SHROOM2: variants seen among roughly 807,000 people sequenced by gnomAD.
The protein encoded by SHROOM2 is shroom family member 2.
SHROOM2 carries 33 observed loss-of-function variants against 75.9 expected under a neutral mutation model. The observed-to-expected ratio is 0.43, with a 90% CI of 0.33 to 0.58. SHROOM2 has a LOEUF of 0.58. Among genes scored for constraint, SHROOM2 ranks in the 20% least tolerant of loss-of-function variants. The probability of loss-of-function intolerance (pLI) is 0.04; values close to 1 mark genes in which losing one functional copy is unlikely to be tolerated. For missense variants in SHROOM2, 1,434 were observed against 1,461.2 expected (o/e 0.98, Z 0.30); for synonymous variants, 655 against 663.6 (o/e 0.99, Z 0.20).
chrX:9,855,295 TAAAAAA>T (rs57235424), intron 1 of SHROOM2, among the ~76,000 whole-genome samples: 2 of 39,299 alleles, frequency 5.1e-5, no homozygotes, highest in Admixed American at 4.2e-4. Context: ...TAAAGTATAG[TAAAAAA>T]AAAAAAAAAA....
At position 9,894,824 on chromosome X, in the gene SHROOM2, G is replaced by A. The variant is rs2084315414; in HGVS notation, c.916G>A (p.Asp306Asn). ...TTTTGGGCCAGTCTGGTATGTTCCC[G>A]ATAAGAAGAAAGCACCATCATCCCC... The part of the protein sequence containing the change: ...SNFGPVWYVP[D>N]KKKAPSSPPP... Residue 306 changes from aspartate to asparagine, a missense_variant, in exon 4 of 10, where the codon GAT becomes AAT. Transcript: ENST00000380913. 2 of 1,210,457 alleles carry A rather than the reference G, an allele frequency of 1.7e-6. No individual in the cohort carries two copies. Among genetic ancestry groups the A allele is most frequent in the African/African-American group, 1.7e-5 (1 of 57,402 alleles).
chrX:9,848,655 G>A (rs1164996643), intron 1 of SHROOM2, among the ~76,000 whole-genome samples: 1 of 110,713 alleles, frequency 9.0e-6, no homozygotes, highest in East Asian at 2.8e-4. Context: ...TTTATGCTCT[G>A]CCGGTAATGA....
At chrX:9,815,592 A>ATATCTG in intron 1 of SHROOM2, among the ~76,000 whole-genome samples, 1 of 107,323 alleles carries the variant, frequency 9.3e-6, no homozygotes, top group East Asian at 2.9e-4. Flanking sequence ...ATCTATATCT[A>ATATCTG]TATCTATATC....
At chrX:9,939,880 G>A (rs982354347) in intron 8 of SHROOM2, among the ~76,000 whole-genome samples, 2 of 111,456 alleles carry the variant, frequency 1.8e-5, no homozygotes, top group African/African-American at 6.5e-5. Flanking sequence ...TCTGCCTCCC[G>A]GGTTCAAGCA....
chrX:9,941,022 T>C (rs953996923), intron 8 of SHROOM2, among the ~76,000 whole-genome samples: 3 of 111,962 alleles, frequency 2.7e-5, no homozygotes, highest in Admixed American at 1.9e-4. Flanking sequence ...TGACAAGATA[T>C]GGTTTTATAC....
At chrX:9,897,621 T>C (rs2084340435) in intron 4 of SHROOM2, among the ~76,000 whole-genome samples, 1 of 93,446 alleles carries the variant, frequency 1.1e-5, no homozygotes, top group South Asian at 5.5e-4. Flanking sequence ...GTTCAGGTTG[T>C]GGCGAACTGT....
rs185365796 is a variant in SHROOM2 at position 9,928,481 on chromosome X, C to T, written c.2892-3694C>T. Among the ~76,000 whole-genome samples, 8 of 112,539 alleles carry T rather than the reference C, an allele frequency of 7.1e-5. No individual in the cohort carries two copies. The East Asian group carries it at 1.9e-3, about 27-fold the overall frequency. On this transcript the variant is annotated intron_variant, in intron 5 of 9. Transcript: ENST00000380913. ...TTACTCTATCTCTGGATCTTGCTGT[C>T]ACCATTTATTTTATCCTTAGAAGTA...
Position 9,792,141 on chromosome X carries a change from G to GAATAGAATAGAATAGAAT in SHROOM2, c.165+5435_165+5452dup, listed in dbSNP as rs2083665897. ...GAATAGAATAGAATAGAATAGAATA[G>GAATAGAATAGAATAGAAT]AATAGAATAGAATAGAATAATCACC... is the stretch of plus-strand genomic sequence containing the variant. On this transcript the variant is annotated intron_variant, in intron 1 of 9. Transcript: ENST00000380913. 1.1e-4 allele frequency among the ~76,000 whole-genome samples: 3 copies of GAATAGAATAGAATAGAAT among 26,170 alleles called. 1 individual carries two copies. Among genetic ancestry groups the GAATAGAATAGAATAGAAT allele is most frequent in the Non-Finnish European group, 2.9e-4 (3 of 10,387 alleles). The allele number at this position is 26,170 out of a possible 115,157, so 22.7% of individuals were successfully genotyped here.
intron 5 of SHROOM2, among the ~76,000 whole-genome samples, chrX:9,928,706 C>T (rs1432950188): frequency 1.8e-5 from 2 of 110,795 alleles, no homozygotes; most frequent in African/African-American, 6.6e-5. Context: ...ATACAACACA[C>T]ATGGACACAG....
Position 9,932,567 on chromosome X carries a change from C to T in SHROOM2, c.3284C>T (p.Pro1095Leu). Residue 1095 changes from proline (P) to leucine (L), a missense_variant, in exon 6 of 10, where the codon CCA becomes CTA. This residue lies in a region of SHROOM2 where 1,340 missense variants were observed against 1,338.3 expected (regional missense o/e 1.00). Coordinates refer to ENST00000380913, the MANE Select transcript of SHROOM2 (RefSeq NM_001649.4). ...GTGGGCGTCCTCGGCAGGCCCTTCC[C>T]AACGCCATCCCCTGCGTCCCTGGAT... ...APVGVLGRPF[P>L]TPSPASLDVY... The T allele has an allele frequency of 8.3e-7, 1 of 1,211,860 alleles. No individual in the cohort carries two copies. Among genetic ancestry groups the T allele is most frequent in the Non-Finnish European group, 1.1e-6 (1 of 895,488 alleles).
chrX:9,882,019 G>A (rs1264709123), intron 2 of SHROOM2, among the ~76,000 whole-genome samples: 1 of 111,653 alleles, frequency 9.0e-6, no homozygotes, highest in Non-Finnish European at 1.9e-5. Flanking sequence ...GCTAGGTGGG[G>A]ATATTGTTTG....
At chrX:9,904,186 G>T (rs1367012604) in intron 5 of SHROOM2, among the ~76,000 whole-genome samples, 1 of 111,101 alleles carries the variant, frequency 9.0e-6, no homozygotes, top group Non-Finnish European at 1.9e-5. Flanking sequence ...AGGCATCTCA[G>T]TTCTAGATGG....
chrX:9,812,060 A>G (rs758981533), intron 1 of SHROOM2, among the ~76,000 whole-genome samples: 1 of 111,920 alleles, frequency 8.9e-6, no homozygotes, highest in South Asian at 3.7e-4. Flanking sequence ...TCGCATGGTG[A>G]CTTGATGACC....
intron 5 of SHROOM2, among the ~76,000 whole-genome samples, chrX:9,902,325 G>C (rs1205468637): frequency 9.1e-6 from 1 of 110,279 alleles, no homozygotes; most frequent in Non-Finnish European, 1.9e-5. Flanking sequence ...GTGGATGGAT[G>C]GATACATGGG....
At chrX:9,923,266 C>G (rs11095521) in intron 5 of SHROOM2, among the ~76,000 whole-genome samples, 2 of 110,514 alleles carry the variant, frequency 1.8e-5, no homozygotes, top group Non-Finnish European at 3.8e-5. Context: ...GTTCAAGAAG[C>G]CTTTCTGGCT....
intron 5 of SHROOM2, among the ~76,000 whole-genome samples, chrX:9,928,672 A>G (rs1308918128): frequency 9.0e-6 from 1 of 111,325 alleles, no homozygotes; most frequent in Non-Finnish European, 1.9e-5. Flanking sequence ...ACACACGCAT[A>G]CAACGCACAA....
chrX:9,937,372 G>C lies in SHROOM2; in HGVS notation c.3826G>C (p.Ala1276Pro), dbSNP rs2084722465. 19 of 1,204,456 alleles carry C rather than the reference G, an allele frequency of 1.6e-5. No individual in the cohort carries two copies. Among genetic ancestry groups the C allele is most frequent in the Non-Finnish European group, 1.9e-5 (17 of 892,094 alleles). ...TGCTGAGCCCGAGGCCCCACATAGG[G>C]CCCAGCCGGCTGAGCCCCAGCCCCT... is the stretch of plus-strand genomic sequence containing the variant. ...QGAEPEAPHR[A>P]QPAEPQPLGT... is the part of the protein sequence containing the mutation. Residue 1276 changes from alanine (A) to proline (P), a missense_variant, in exon 7 of 10, where the codon GCC becomes CCC. This residue lies in a region of SHROOM2 where 1,340 missense variants were observed against 1,338.3 expected (regional missense o/e 1.00). Transcript: ENST00000380913.
intron 6 of SHROOM2, among the ~76,000 whole-genome samples, chrX:9,933,344 T>G (rs1276573825): frequency 9.0e-6 from 1 of 111,215 alleles, no homozygotes; most frequent in Non-Finnish European, 1.9e-5. Context: ...GTTAGAAAGC[T>G]AAGCTGGTAT....
chrX:9,841,125 T>C (rs1165693286), intron 1 of SHROOM2, among the ~76,000 whole-genome samples: 1 of 111,424 alleles, frequency 9.0e-6, no homozygotes, highest in Non-Finnish European at 1.9e-5. Flanking sequence ...CTGGTTAATT[T>C]TTGTATGTTT....
Sources: gnomAD v4.1 joint callset for allele counts (sites outside exome capture counted in the v4.1 genomes callset) on GRCh38, gnomAD v4.1.1 for gene constraint, gnomAD v4.1.1 regional missense constraint, MANE v1.5 for transcripts, NCBI Gene and HGNC (gene_info 2026-07-23, HGNC 2026-07-21) for gene names.